CFAP20DC: variants seen among roughly 807,000 people sequenced by gnomAD.
CFAP20DC encodes CFAP20 domain containing, also known as protein CFAP20DC.
In CFAP20DC, 84 loss-of-function variants were observed where a neutral mutation model predicts 101.7. The ratio of observed to expected loss-of-function variants is 0.83; its 90% CI spans 0.69 to 0.99. CFAP20DC has a LOEUF of 0.99. CFAP20DC is among the 50% of genes least tolerant of loss of function. The pLI, the probability that CFAP20DC is intolerant of heterozygous loss-of-function variation, is 0.00. For synonymous variants in CFAP20DC, 359 were observed against 351.2 expected (o/e 1.02, Z -0.25); for missense variants, 1,007 against 970.3 (o/e 1.04, Z -0.50).
rs577654484 is a variant in CFAP20DC, at chr3:58,722,970, C to T, written c.198-5342G>A. On this transcript the variant is annotated intron_variant, in intron 3 of 3. Transcript: ENST00000486145. The surrounding 1 kb of genome is among the most constrained non-coding windows in gnomAD (Gnocchi z 4.5). ...TTCATGAGCACATGATCAGGTTTCT[C>T]AAACAGTCGAAATCCCTGACAACCA... is the stretch of plus-strand genomic sequence containing the variant. 1.3e-5 allele frequency among the ~76,000 whole-genome samples: 2 copies of T among 152,336 alleles called. No homozygotes were observed. The highest frequency in any genetic ancestry group is 3.9e-4 in the East Asian group (2 of 5,188).
rs528766849 is a variant in CFAP20DC, at chr3:58,904,999, G to C, written c.550+8709C>G. ...CACTTATGATAAGTTACCAGTGCCAGGTCATTTGCTAGAGACAAAAACATG... is the reference window on the plus strand; with the variant it reads ...CACTTATGATAAGTTACCAGTGCCACGTCATTTGCTAGAGACAAAAACATG... On this transcript the variant is annotated intron_variant, in intron 6 of 16. Coordinates refer to ENST00000482387, the MANE Select transcript of CFAP20DC (RefSeq NM_001394063.1). 5.3e-5 allele frequency among the ~76,000 whole-genome samples: 8 copies of C among 152,266 alleles called. No individual in the cohort carries two copies. The East Asian group carries it at 1.5e-3, about 29-fold the overall frequency.
intron 4 of CFAP20DC, among the ~76,000 whole-genome samples, chr3:59,005,400 G>A (rs932512733): frequency 1.3e-5 from 2 of 152,158 alleles, no homozygotes; most frequent in African/African-American, 4.8e-5. Flanking sequence ...ACTGACTCTT[G>A]GAGTAGTTTG....
chr3:58,927,160 GC>G (rs1283007911), intron 5 of CFAP20DC, among the ~76,000 whole-genome samples: 1 of 152,144 alleles, frequency 6.6e-6, no homozygotes, highest in Non-Finnish European at 1.5e-5. Flanking sequence ...ACTCTTCACA[GC>G]TAAAAATAAC....
At chr3:58,759,948 T>C (rs1176795214) in intron 15 of CFAP20DC, among the ~76,000 whole-genome samples, 1 of 152,210 alleles carries the variant, frequency 6.6e-6, no homozygotes, top group Non-Finnish European at 1.5e-5. Flanking sequence ...CCTTGTAGTA[T>C]AGTTTGAAGT....
chr3:58,929,624 G>A (rs1251896370), intron 5 of CFAP20DC, among the ~76,000 whole-genome samples: 1 of 152,164 alleles, frequency 6.6e-6, no homozygotes, highest in Non-Finnish European at 1.5e-5. Context: ...ACTGCAAACA[G>A]AAACCATCCA....
At chr3:58,975,791 C>A (rs1283914783) in intron 4 of CFAP20DC, among the ~76,000 whole-genome samples, 5 of 151,810 alleles carry the variant, frequency 3.3e-5, no homozygotes, top group East Asian at 1.9e-4. Flanking sequence ...ATTTTCACAT[C>A]TTTTTTCCTT....
intron 12 of CFAP20DC, among the ~76,000 whole-genome samples, chr3:58,853,460 G>A (rs1575943035): frequency 6.6e-6 from 1 of 152,298 alleles, no homozygotes; most frequent in Non-Finnish European, 1.5e-5. Flanking sequence ...TAGAAAAAGA[G>A]GGAATCCTCC....
At chr3:58,938,005 C>G (rs1023771515) in intron 4 of CFAP20DC, among the ~76,000 whole-genome samples, 1 of 152,212 alleles carries the variant, frequency 6.6e-6, no homozygotes, top group African/African-American at 2.4e-5. Flanking sequence ...GTACTCTACA[C>G]TAGATTTCCA....
chr3:58,888,065 C>T (rs1386463619), intron 6 of CFAP20DC, among the ~76,000 whole-genome samples: 1 of 152,234 alleles, frequency 6.6e-6, no homozygotes, highest in African/African-American at 2.4e-5. Flanking sequence ...CCCCACCTCA[C>T]CACTAACCAA....
intron 4 of CFAP20DC, among the ~76,000 whole-genome samples, chr3:58,993,674 G>C (rs112088681): frequency 2.6e-5 from 4 of 152,274 alleles, no homozygotes; most frequent in African/African-American, 9.6e-5. Context: ...TTATAAGTGA[G>C]AATGTGTATT....
intron 16 of CFAP20DC, among the ~76,000 whole-genome samples, chr3:58,751,532 T>TTTTTTAAA (rs2068574297): frequency 6.6e-6 from 1 of 152,118 alleles, no homozygotes; most frequent in Non-Finnish European, 1.5e-5. Context: ...GGCTGACAGG[T>TTTTTTAAA]GACCAGAGGT....
chr3:59,046,599 AAAAT>A (rs1263081021), intron 2 of CFAP20DC, among the ~76,000 whole-genome samples: 5 of 152,240 alleles, frequency 3.3e-5, no homozygotes, highest in South Asian at 4.2e-4. Context: ...GGAGATAAAT[AAAAT>A]AAATAAATAA....
At chr3:59,020,786 A>G (rs2093788275) in intron 4 of CFAP20DC, among the ~76,000 whole-genome samples, 1 of 152,074 alleles carries the variant, frequency 6.6e-6, no homozygotes, top group Non-Finnish European at 1.5e-5. Flanking sequence ...CACCTTATGG[A>G]CAGTATGTCC....
At position 58,912,217 on chromosome 3, in the gene CFAP20DC, ACATTT is replaced by A. The variant is rs2084225658; in HGVS notation, c.550+1486_550+1490del. Among the ~76,000 whole-genome samples, 2 of 152,032 alleles carry A rather than the reference ACATTT, an allele frequency of 1.3e-5. No homozygotes were observed. ...CTATGTTTGATCCACTTTTTTCTTT[ACATTT>A]ATTTTAAAATATTAATCAGGTTATG... On this transcript the variant is annotated intron_variant, in intron 6 of 16. Coordinates refer to ENST00000482387, the MANE Select transcript of CFAP20DC (RefSeq NM_001394063.1). The surrounding 1 kb of genome is among the most constrained non-coding windows in gnomAD (Gnocchi z 4.4).
chr3:58,947,739 T>C (rs1346641248), intron 4 of CFAP20DC, among the ~76,000 whole-genome samples: 1 of 152,136 alleles, frequency 6.6e-6, no homozygotes, highest in Admixed American at 6.6e-5. Flanking sequence ...TAAAATACGG[T>C]GCAAGTAGTC....
Position 58,753,801 on chromosome 3 carries a change from C to G in CFAP20DC, c.2300G>C (p.Arg767Pro). 2 of 1,612,714 alleles carry G rather than the reference C, an allele frequency of 1.2e-6. No homozygotes were observed. The highest frequency in any genetic ancestry group is 1.7e-6 in the Non-Finnish European group (2 of 1,179,278). ...VPPSQQPAEQ[R>P]PDSCESLSVQ... ...ACTCAAACTTTCACAGGAATCTGGA[C>G]GCTGCTCAGCCGGCTGTTGACTGGG... is the stretch of plus-strand genomic sequence containing the variant. The change falls in exon 16 of 17, where the codon CGT becomes CCT. Residue 767 changes from arginine to proline, a missense_variant. By Grantham distance (103) the Arg-to-Pro change is moderately radical. Transcript: ENST00000482387.
chr3:58,881,161 AT>A (rs2081202550), intron 7 of CFAP20DC, among the ~76,000 whole-genome samples: 1 of 152,132 alleles, frequency 6.6e-6, no homozygotes, highest in Non-Finnish European at 1.5e-5. Flanking sequence ...TAATTTACCC[AT>A]TTGCAATTGT....
At chr3:58,820,681 G>A (rs1261206430) in intron 14 of CFAP20DC, among the ~76,000 whole-genome samples, 4 of 151,044 alleles carry the variant, frequency 2.6e-5, no homozygotes, top group African/African-American at 9.7e-5. Context: ...ATGCTCATGG[G>A]TAGGAAGAAT....
At chr3:58,745,228 T>C (rs1471284264) in intron 16 of CFAP20DC, among the ~76,000 whole-genome samples, 1 of 152,306 alleles carries the variant, frequency 6.6e-6, no homozygotes, top group African/African-American at 2.4e-5. Context: ...ATGTACATCC[T>C]CTACTTTCAG....
Sources: gnomAD v4.1 joint callset for allele counts (sites outside exome capture counted in the v4.1 genomes callset) on GRCh38, gnomAD v4.1.1 for gene constraint, Gnocchi (gnomAD v3.1) non-coding constraint, MANE v1.5 for transcripts, NCBI Gene and HGNC (gene_info 2026-07-23, HGNC 2026-07-21) for gene names.